DDA1: variants seen among roughly 807,000 people sequenced by gnomAD.
DDA1 encodes DET1- and DDB1-associated protein 1.
A neutral mutation model predicts 18.6 loss-of-function variants in DDA1; 3 were observed. The ratio of observed to expected loss-of-function variants is 0.16; its 90% CI spans 0.07 to 0.42. The LOEUF is 0.42. DDA1 is among the 10% of genes least tolerant of loss of function. DDA1 has a pLI of 0.99. For missense variants in DDA1, 105 were observed against 138.2 expected, an observed-to-expected ratio of 0.76 and a Z score of 1.20; for synonymous variants, 52 against 54.0, an observed-to-expected ratio of 0.96 and a Z score of 0.17.
intron 4 of DDA1, 99 bp downstream of exon 4, chr19:17,316,094 C>A: frequency 1.4e-6 from 2 of 1,400,628 alleles, no homozygotes; most frequent in Non-Finnish European, 1.0e-6. Flanking sequence ...GTGATTGGAG[C>A]AGGGCCTTGA....
At chr19:17,319,123 G>T (rs577676931) in intron 4 of DDA1, among the ~76,000 whole-genome samples, 1 of 152,256 alleles carries the variant, frequency 6.6e-6, no homozygotes, top group East Asian at 1.9e-4. Context: ...GCCCTGTGTG[G>T]GTCATTGCAT....
Position 17,309,594 on chromosome 19 carries a change from G to A in DDA1, c.-61G>A. 6.3e-7 allele frequency: 1 copy of A among 1,575,198 alleles called. No homozygotes were observed. The highest frequency in any genetic ancestry group is 8.7e-7 in the Non-Finnish European group (1 of 1,146,204). On this transcript the variant is annotated 5_prime_UTR_variant, in exon 1 of 5. Transcript: ENST00000359866. ...CTGTGAGGCGGCGGCTAAGAAGGCG[G>A]CTCTGGTGGCGGCGGTGGAGGCTGA... is the stretch of plus-strand genomic sequence containing the variant.
chr19:17,313,645 G>A (rs889687844), intron 1 of DDA1, among the ~76,000 whole-genome samples: 1 of 152,044 alleles, frequency 6.6e-6, no homozygotes, highest in Non-Finnish European at 1.5e-5. Context: ...GTTTTGCCAT[G>A]TTGGCCAGGC....
At chr19:17,316,195 C>G (rs1259240421) in intron 4 of DDA1, among the ~76,000 whole-genome samples, 200 bp downstream of exon 4, 1 of 152,130 alleles carries the variant, frequency 6.6e-6, no homozygotes, top group African/African-American at 2.4e-5. Flanking sequence ...GACACCAGTG[C>G]TCAGGAGGCT....
intron 3 of DDA1, chr19:17,315,692 T>G (rs3826700): frequency 0.39 from 229,163 of 587,120 alleles, 47,245 homozygotes; most frequent in Non-Finnish European, 0.44. Context: ...GAGTCTCAGT[T>G]GCGGGGCTTG....
chr19:17,315,090 C>A, intron 3 of DDA1, among the ~76,000 whole-genome samples: 1 of 140,818 alleles, frequency 7.1e-6, no homozygotes, highest in Admixed American at 7.3e-5. Context: ...CATATATATA[C>A]GTATATATAC....
At chr19:17,315,362 G>GTATATATATACACGCTATATATATACA (rs1568354108) in intron 3 of DDA1, among the ~76,000 whole-genome samples, 1 of 48,528 alleles carries the variant, frequency 2.1e-5, no homozygotes, top group Non-Finnish European at 5.0e-5. Flanking sequence ...ATATATATAC[G>GTATATATATACACGCTATATATATACA]CTATATATAT....
intron 4 of DDA1, 122 bp downstream of exon 4, chr19:17,316,117 A>G: frequency 1.7e-6 from 2 of 1,168,308 alleles, no homozygotes; most frequent in Non-Finnish European, 2.5e-6. Context: ...GCTGGGTAGG[A>G]GTGCCCTGGG....
intron 4 of DDA1, among the ~76,000 whole-genome samples, chr19:17,317,541 G>A (rs1305391441): frequency 6.6e-6 from 1 of 151,168 alleles, no homozygotes; most frequent in African/African-American, 2.4e-5. Flanking sequence ...AGAAATCTAG[G>A]TAACATGTGA....
In DDA1 at chr19:17,319,589, G is replaced by T; in HGVS notation, c.242G>T (p.Gly81Val). The T allele has an allele frequency of 6.3e-7, 1 of 1,579,460 alleles. No homozygotes were observed. The highest frequency in any genetic ancestry group is 1.2e-5 in the South Asian group (1 of 85,964). The change falls in exon 5 of 5, where the codon GGC (glycine) becomes GTC (valine). Residue 81 changes from glycine to valine, a missense_variant. Around this residue, in one of 2 missense-constraint regions of DDA1, gnomAD observed 62 missense variants for 55.8 expected, o/e 1.11. Coordinates refer to ENST00000359866, the MANE Select transcript of DDA1 (RefSeq NM_024050.6). ...GACCAGGAGCAAGTGGAGCTGGAAG[G>T]CGAGAGCTCCGCACCTCCCCGCAAG... Reference protein sequence around the residue: ...KRDQEQVELEGESSAPPRKVA... With the variant: ...KRDQEQVELEVESSAPPRKVA...
chr19:17,317,738 C>G (rs1299466240), intron 4 of DDA1, among the ~76,000 whole-genome samples: 3 of 149,828 alleles, frequency 2.0e-5, no homozygotes, highest in African/African-American at 7.4e-5. Flanking sequence ...ATTCAGGAGG[C>G]TGAGGTGGGA....
Position 17,309,647 on chromosome 19 carries a change from A to C in DDA1, c.-8A>C, listed in dbSNP as rs2074169014. 3.0e-5 allele frequency: 49 copies of C among 1,612,912 alleles called. No individual in the cohort carries two copies. Among genetic ancestry groups the C allele is most frequent in the Non-Finnish European group, 4.2e-5 (49 of 1,179,336 alleles). ...CGGCGGCCGAGGCGGCGACGGAGGA[A>C]ACAGAAGATGGTGAGGATGGCCTCC... is the stretch of plus-strand genomic sequence containing the variant. On this transcript the variant is annotated 5_prime_UTR_variant, in exon 1 of 5. Coordinates refer to ENST00000359866, the MANE Select transcript of DDA1 (RefSeq NM_024050.6).
intron 1 of DDA1, 35 bp from the exon 2 acceptor site, chr19:17,313,988 C>T (rs1350119604): frequency 6.3e-7 from 1 of 1,579,580 alleles, no homozygotes; most frequent in Non-Finnish European, 8.7e-7. Flanking sequence ...TGGCCCTTGC[C>T]TGTTTTCTCA....
chr19:17,311,450 C>A (rs777589177), intron 1 of DDA1, among the ~76,000 whole-genome samples: 1 of 152,174 alleles, frequency 6.6e-6, no homozygotes, highest in Non-Finnish European at 1.5e-5. Context: ...CCACTGCGCC[C>A]GGCCAGAAGG....
At chr19:17,317,176 G>A (rs2074217338) in intron 4 of DDA1, among the ~76,000 whole-genome samples, 1 of 152,072 alleles carries the variant, frequency 6.6e-6, no homozygotes, top group Non-Finnish European at 1.5e-5. Context: ...AGTGAGCCAA[G>A]ATCATGCCAC....
chr19:17,316,550 A>G (rs1214078044), intron 4 of DDA1, among the ~76,000 whole-genome samples: 2 of 151,548 alleles, frequency 1.3e-5, no homozygotes, highest in African/African-American at 2.4e-5. Context: ...ACTGCACTCC[A>G]GCCTTGTTGA....
At chr19:17,317,646 C>A (rs867670628) in intron 4 of DDA1, among the ~76,000 whole-genome samples, 4 of 134,328 alleles carry the variant, frequency 3.0e-5, no homozygotes, top group Middle Eastern at 4.6e-3. Flanking sequence ...CCAGTCTAGG[C>A]AACACAGCAA....
chr19:17,315,876 CAGGGGAGGAGCCTGGGG>C (rs2074210531), intron 3 of DDA1, 41 bp from the exon 4 acceptor site: 17 of 1,545,524 alleles, frequency 1.1e-5, no homozygotes, highest in Non-Finnish European at 1.3e-5. Flanking sequence ...AGGGCAGTGT[CAGGGGAGGAGCCTGGGG>C]AGGGGAGGCG....
intron 1 of DDA1, among the ~76,000 whole-genome samples, chr19:17,311,399 C>A (rs1445954424): frequency 6.6e-6 from 1 of 152,134 alleles, no homozygotes; most frequent in Non-Finnish European, 1.5e-5. Flanking sequence ...TTGTGATCCA[C>A]CCGCTTCGGA....
Sources: gnomAD v4.1 joint callset for allele counts (sites outside exome capture counted in the v4.1 genomes callset) on GRCh38, gnomAD v4.1.1 for gene constraint, gnomAD v4.1.1 regional missense constraint, MANE v1.5 for transcripts, NCBI Gene and HGNC (gene_info 2026-07-23, HGNC 2026-07-21) for gene names.